FER: variants seen among roughly 807,000 people sequenced by gnomAD.
FER encodes the protein FER tyrosine kinase, also known as tyrosine-protein kinase Fer.
FER carries 63 observed loss-of-function variants against 111.0 expected under a neutral mutation model. The observed-to-expected ratio is 0.57, with a 90% CI of 0.46 to 0.70. The LOEUF (loss-of-function observed/expected upper bound fraction) is 0.70. Ranked by LOEUF, FER falls within the 30% of genes least tolerant of loss-of-function variation. The probability of loss-of-function intolerance (pLI) is 0.00; values close to 1 mark genes in which losing one functional copy is unlikely to be tolerated. For missense variants in FER, 914 were observed against 954.0 expected (o/e 0.96, Z 0.55); for synonymous variants, 327 against 313.9 (o/e 1.04, Z -0.44).
At chr5:108,827,480 G>A (rs1271157513) in intron 3 of FER, among the ~76,000 whole-genome samples, 2 of 152,068 alleles carry the variant, frequency 1.3e-5, no homozygotes, top group Non-Finnish European at 2.9e-5. Context: ...TCCTGTCAAA[G>A]TTCTCATAAG....
intron 10 of FER, among the ~76,000 whole-genome samples, chr5:108,920,423 C>G (rs1473663740): frequency 1.3e-5 from 2 of 152,092 alleles, no homozygotes; most frequent in African/African-American, 4.8e-5. Flanking sequence ...TAAAGATTGT[C>G]TTCAAATTTG....
chr5:109,100,978 T>C (rs1582031594), intron 17 of FER, among the ~76,000 whole-genome samples: 1 of 56,192 alleles, frequency 1.8e-5, no homozygotes, highest in African/African-American at 1.2e-4. Context: ...TTAATGCTCT[T>C]TTGGACAAAT....
At chr5:108,880,844 A>G (rs1240411232) in intron 8 of FER, among the ~76,000 whole-genome samples, 1 of 152,124 alleles carries the variant, frequency 6.6e-6, no homozygotes, top group Non-Finnish European at 1.5e-5. Flanking sequence ...TCAGAGACTT[A>G]CTGAAATTTA....
intron 16 of FER, among the ~76,000 whole-genome samples, chr5:109,071,082 A>G (rs1258964110): frequency 2.6e-5 from 4 of 152,030 alleles, no homozygotes; most frequent in Non-Finnish European, 4.4e-5. Flanking sequence ...GAATATCAGT[A>G]AAAACATTTC....
chr5:108,993,266 C>G (rs191075230), intron 13 of FER, among the ~76,000 whole-genome samples: 11 of 152,348 alleles, frequency 7.2e-5, no homozygotes, highest in African/African-American at 2.2e-4. Flanking sequence ...ACTGAGTGAA[C>G]GAGACTCTGT....
intron 10 of FER, among the ~76,000 whole-genome samples, chr5:108,935,066 G>A (rs113002871): frequency 0.011 from 1,740 of 152,108 alleles, 16 homozygotes; most frequent in Middle Eastern, 0.02. Context: ...GACATTTAAG[G>A]TAGCTGCTGC....
At chr5:108,780,585 G>A (rs747908040) in intron 2 of FER, among the ~76,000 whole-genome samples, 1 of 151,764 alleles carries the variant, frequency 6.6e-6, no homozygotes. Flanking sequence ...ATAAGCCTAG[G>A]TGTAGTTTTT....
At chr5:108,878,595 GT>G (rs1397508470) in intron 8 of FER, among the ~76,000 whole-genome samples, 1 of 152,006 alleles carries the variant, frequency 6.6e-6, no homozygotes, top group Non-Finnish European at 1.5e-5. Context: ...GTTATTTCCA[GT>G]TTTTTCCATT....
chr5:109,009,815 T>A (rs1318953673), intron 13 of FER, among the ~76,000 whole-genome samples: 1 of 152,174 alleles, frequency 6.6e-6, no homozygotes, highest in African/African-American at 2.4e-5. Flanking sequence ...AAGGGATGGG[T>A]TCAGTTGAGA....
At chr5:109,131,681 ATGCTGATGAGTGCT>A (rs1752374743) in intron 17 of FER, among the ~76,000 whole-genome samples, 1 of 152,146 alleles carries the variant, frequency 6.6e-6, no homozygotes, top group East Asian at 1.9e-4. Flanking sequence ...GTTATAAATA[ATGCTGATGAGTGCT>A]TTTAGTTTGT....
intron 17 of FER, among the ~76,000 whole-genome samples, chr5:109,121,528 A>G (rs1750974969): frequency 1.3e-5 from 2 of 152,238 alleles, no homozygotes; most frequent in South Asian, 2.1e-4. Context: ...ATCAATGTTC[A>G]TCAGGGATAT....
intron 3 of FER, among the ~76,000 whole-genome samples, chr5:108,802,051 G>C (rs545111010): frequency 6.6e-6 from 1 of 152,072 alleles, no homozygotes; most frequent in African/African-American, 2.4e-5. Flanking sequence ...TAAAACTTAC[G>C]AATTGTTTAT....
intron 5 of FER, among the ~76,000 whole-genome samples, chr5:108,845,747 A>G (rs1761970382): frequency 6.6e-6 from 1 of 152,168 alleles, no homozygotes; most frequent in Non-Finnish European, 1.5e-5. Flanking sequence ...ACCTTCAAGT[A>G]TGATGTTTGC....
At chr5:108,877,569 T>C (rs1315532886) in intron 8 of FER, among the ~76,000 whole-genome samples, 1 of 152,228 alleles carries the variant, frequency 6.6e-6, no homozygotes, top group African/African-American at 2.4e-5. Flanking sequence ...GCTCTTGCAA[T>C]TATATTTTAA....
At chr5:109,017,349 A>G (rs971430272) in intron 13 of FER, among the ~76,000 whole-genome samples, 4 of 151,998 alleles carry the variant, frequency 2.6e-5, no homozygotes, top group Admixed American at 2.6e-4. Context: ...AAAGTATTTT[A>G]TTTCATACAT....
chr5:109,037,060 A>G (rs574631754), intron 13 of FER, among the ~76,000 whole-genome samples: 5 of 152,108 alleles, frequency 3.3e-5, no homozygotes, highest in Non-Finnish European at 7.4e-5. Context: ...AAAATTTTAC[A>G]TTGTAAAATC....
At chr5:108,898,494 T>C (rs1749485236) in intron 10 of FER, among the ~76,000 whole-genome samples, 1 of 143,362 alleles carries the variant, frequency 7.0e-6, no homozygotes, top group Non-Finnish European at 1.5e-5. Context: ...TTCCTTTCCT[T>C]CCTCTTTCTC....
intron 16 of FER, among the ~76,000 whole-genome samples, chr5:109,077,204 A>G (rs1181268551): frequency 6.6e-6 from 1 of 152,248 alleles, no homozygotes; most frequent in Non-Finnish European, 1.5e-5. Context: ...AAAAATGTGA[A>G]TCACTCTTTC....
chr5:108,901,466 C>T (rs17161560), intron 10 of FER, among the ~76,000 whole-genome samples: 1,859 of 152,060 alleles, frequency 0.012, 35 homozygotes, highest in African/African-American at 0.043. Context: ...GTGATTATGG[C>T]ATAATAGGTT....
Sources: gnomAD v4.1 joint callset for allele counts (sites outside exome capture counted in the v4.1 genomes callset) on GRCh38, gnomAD v4.1.1 for gene constraint, MANE v1.5 for transcripts, NCBI Gene and HGNC (gene_info 2026-07-23, HGNC 2026-07-21) for gene names.